GNAL: variants seen among roughly 807,000 people sequenced by gnomAD.
GNAL encodes the protein guanine nucleotide-binding protein G(olf) subunit alpha.
A neutral mutation model predicts 55.1 loss-of-function variants in GNAL; 18 were observed. The observed-to-expected ratio is 0.33, with a 90% CI of 0.23 to 0.48. The LOEUF (loss-of-function observed/expected upper bound fraction) is 0.48. Ranked by LOEUF, GNAL falls within the 20% of genes least tolerant of loss-of-function variation. The pLI is 0.99. For synonymous variants in GNAL, 253 were observed against 237.0 expected, an observed-to-expected ratio of 1.07 and a Z score of -0.62; for missense variants, 412 against 614.1, an observed-to-expected ratio of 0.67 and a Z score of 3.48.
In GNAL at chr18:11,753,918, C is replaced by A. The variant is rs774502271; in HGVS notation, c.597C>A (p.Ala199=). 1.9e-6 allele frequency: 3 copies of A among 1,609,552 alleles called. No homozygotes were observed. The South Asian group carries it at 3.3e-5, about 18-fold the overall frequency. Reference sequence around the variant, plus strand: ...GATCAGACTACATCAAGAGCATAGCCCCTATCACTGACTTTGAATATTCCC... The same window carrying A: ...GATCAGACTACATCAAGAGCATAGCACCTATCACTGACTTTGAATATTCCC... ...QFRSDYIKSI[A]PITDFEYSQE... is the part of the protein sequence containing the mutation. Residue 199 remains alanine (A), a synonymous_variant, in exon 4 of 12, where the codon GCC becomes GCA. Transcript: ENST00000334049.
chr18:11,861,542 TAAC>T (rs915655592), intron 5 of GNAL, among the ~76,000 whole-genome samples: 2 of 152,016 alleles, frequency 1.3e-5, no homozygotes, highest in African/African-American at 4.8e-5. Context: ...AGAAGATAAA[TAAC>T]AACAGATCAA....
Position 11,752,472 on chromosome 18 carries a change from C to G in GNAL, c.377-381C>G. On this transcript the variant is annotated intron_variant, in intron 1 of 11. Transcript: ENST00000334049. This position sits in a 1 kb window ranked among gnomAD's most constrained non-coding sequence, Gnocchi z 4.5. ...GCGGCAACAGCAAGACGACGGAAGA[C>G]CAGGGCGTCGATGAAAAAGAACGAC... The G allele has an allele frequency of 6.2e-7, 1 of 1,612,130 alleles. No individual in the cohort carries two copies. Among genetic ancestry groups the G allele is most frequent in the Non-Finnish European group, 8.5e-7 (1 of 1,179,218 alleles).
At chr18:11,822,755 C>T (rs2035133305) in intron 4 of GNAL, among the ~76,000 whole-genome samples, 1 of 152,026 alleles carries the variant, frequency 6.6e-6, no homozygotes, top group South Asian at 2.1e-4. Context: ...GACCGTACCC[C>T]ACACGGTTTG....
chr18:11,867,787 G>A (rs1339178520), intron 8 of GNAL, among the ~76,000 whole-genome samples: 2 of 150,186 alleles, frequency 1.3e-5, no homozygotes, highest in South Asian at 2.1e-4. Context: ...GCAGCAGTCC[G>A]GCCTGGGCAA....
chr18:11,710,844 T>G (rs1050563917), intron 1 of GNAL, among the ~76,000 whole-genome samples: 4 of 152,158 alleles, frequency 2.6e-5, no homozygotes, highest in African/African-American at 9.7e-5. Flanking sequence ...TTTTGACAAT[T>G]TGATTACAAT....
intron 4 of GNAL, among the ~76,000 whole-genome samples, chr18:11,778,022 G>C (rs952157605): frequency 6.6e-6 from 1 of 152,226 alleles, no homozygotes; most frequent in Non-Finnish European, 1.5e-5. Flanking sequence ...CCACCAGCTT[G>C]TGTTGTGCCT....
Position 11,753,689 on chromosome 18 carries a change from AC to A in GNAL, c.504+8del. On this transcript the variant is annotated splice_region_variant and intron_variant, in intron 3 of 11. Transcript: ENST00000334049. ...TGTTAAAGATGCTATCGTGGTAAGG[AC>A]TTTTTTAAATGATTGTTTACTAGAA... is the stretch of plus-strand genomic sequence containing the variant. 6.3e-7 allele frequency: 1 copy of A among 1,580,518 alleles called. No individual in the cohort carries two copies.
intron 5 of GNAL, chr18:11,851,643 C>G (rs2035871630): frequency 6.2e-7 from 1 of 1,613,974 alleles, no homozygotes; most frequent in East Asian, 2.2e-5. Flanking sequence ...AGAAGGGCAA[C>G]ATGGAAGTTG....
intron 5 of GNAL, chr18:11,851,625 G>T (rs1374126927): frequency 6.2e-7 from 1 of 1,613,964 alleles, no homozygotes; most frequent in Admixed American, 1.7e-5. Context: ...AAATTAAAAA[G>T]GCCATTCAGA....
intron 1 of GNAL, chr18:11,746,814 T>G: frequency 2.0e-6 from 1 of 489,950 alleles, no homozygotes; most frequent in African/African-American, 2.0e-5. Context: ...GATTTATTGG[T>G]TGCTGGACGA....
chr18:11,872,204 A>G (rs566328084), intron 9 of GNAL, 64 bp from the exon 10 acceptor site: 27 of 1,074,896 alleles, frequency 2.5e-5, no homozygotes, highest in East Asian at 1.3e-4. Flanking sequence ...AGCAACTTCT[A>G]TGTTAGAGGC....
Position 11,758,432 on chromosome 18 carries a change from C to T in GNAL, c.624+4487C>T, listed in dbSNP as rs73947609. On this transcript the variant is annotated intron_variant, in intron 4 of 11. Coordinates refer to ENST00000334049, the MANE Select transcript of GNAL (RefSeq NM_182978.4). ...CGAGCTCACGTGATACAGTTATTCC[C>T]TTCACAAGCCAGAACTGTAAAGGGG... Among the ~76,000 whole-genome samples the T allele has an allele frequency of 9.1e-3, 1,383 of 152,186 alleles. 17 individuals carry two copies. Among genetic ancestry groups the T allele is most frequent in the African/African-American group, 0.032 (1,331 of 41,486 alleles).
At chr18:11,779,367 A>C (rs952848551) in intron 4 of GNAL, among the ~76,000 whole-genome samples, 1 of 152,226 alleles carries the variant, frequency 6.6e-6, no homozygotes, top group Admixed American at 6.5e-5. Context: ...TATATGTGGT[A>C]ATGCAGATTG....
At position 11,837,957 on chromosome 18, in the gene GNAL, T is replaced by C. The variant is rs565685854; in HGVS notation, c.722+12942T>C. On this transcript the variant is annotated intron_variant, in intron 5 of 11. Transcript: ENST00000334049. Reference sequence around the variant, plus strand: ...GAGTTTGAGACCAGCCTTGGCAACATGGTGAAATCCCTTCTTACGAAAAAT... The same window carrying C: ...GAGTTTGAGACCAGCCTTGGCAACACGGTGAAATCCCTTCTTACGAAAAAT... Among the ~76,000 whole-genome samples, 318 of 152,218 alleles carry C rather than the reference T, an allele frequency of 2.1e-3. 2 individuals are homozygous for C. Among genetic ancestry groups the C allele is most frequent in the African/African-American group, 7.4e-3 (308 of 41,536 alleles).
chr18:11,725,875 C>T (rs181416212), intron 1 of GNAL, among the ~76,000 whole-genome samples: 2 of 152,208 alleles, frequency 1.3e-5, no homozygotes, highest in Non-Finnish European at 2.9e-5. Context: ...GCAGCTGTAA[C>T]ATTTTGCATT....
intron 1 of GNAL, among the ~76,000 whole-genome samples, chr18:11,742,233 C>T (rs2032592181): frequency 1.3e-5 from 2 of 152,192 alleles, no homozygotes; most frequent in South Asian, 2.1e-4. Flanking sequence ...TACTATAGTT[C>T]GTTGTTCATG....
At chr18:11,780,143 T>C (rs2033889441) in intron 4 of GNAL, among the ~76,000 whole-genome samples, 1 of 152,240 alleles carries the variant, frequency 6.6e-6, no homozygotes, top group Non-Finnish European at 1.5e-5. Context: ...TATATCTCTG[T>C]GACAAGTTTC....
At chr18:11,842,947 G>A (rs1047257545) in intron 5 of GNAL, among the ~76,000 whole-genome samples, 28 of 152,294 alleles carry the variant, frequency 1.8e-4, no homozygotes, top group African/African-American at 6.7e-4. Context: ...GGTGTTGACT[G>A]TTTCAGAAGA....
At chr18:11,731,793 G>T (rs911707476) in intron 1 of GNAL, among the ~76,000 whole-genome samples, 3 of 152,148 alleles carry the variant, frequency 2.0e-5, no homozygotes, top group Admixed American at 2.0e-4. Flanking sequence ...TCTAATTCCC[G>T]AATGTTTTCA....
Sources: allele counts gnomAD v4.1 joint callset (sites outside exome capture counted in the v4.1 genomes callset), GRCh38; gene constraint gnomAD v4.1.1; non-coding constraint Gnocchi (gnomAD v3.1); transcripts MANE v1.5; gene names NCBI Gene and HGNC (gene_info 2026-07-23, HGNC 2026-07-21).